The following PID1 variants were observed in gnomAD, a reference collection of about 807,000 sequenced individuals.
The protein encoded by PID1 is phosphotyrosine interaction domain containing 1.
In PID1, 10 loss-of-function variants were observed where a neutral mutation model predicts 19.1. The observed-to-expected ratio is 0.52, with a 90% CI of 0.32 to 0.89. The LOEUF (loss-of-function observed/expected upper bound fraction) is 0.89. PID1 is among the 40% of genes least tolerant of loss of function. The pLI is 0.03. For synonymous variants in PID1, 130 were observed against 116.0 expected, an observed-to-expected ratio of 1.12 and a Z score of -0.78; for missense variants, 248 against 285.3, an observed-to-expected ratio of 0.87 and a Z score of 0.94.
chr2:229,228,943 A>G (rs116654595), intron 1 of PID1, among the ~76,000 whole-genome samples: 1 of 152,268 alleles, frequency 6.6e-6, no homozygotes, highest in African/African-American at 2.4e-5. Context: ...TCTCTACCTG[A>G]CCTGGTGTGA....
intron 1 of PID1, among the ~76,000 whole-genome samples, chr2:229,234,750 C>G (rs575999445): frequency 4.6e-5 from 7 of 152,228 alleles, no homozygotes; most frequent in Non-Finnish European, 1.0e-4. Flanking sequence ...GAAGAGAAAG[C>G]TAACAGGAGG....
intron 1 of PID1, among the ~76,000 whole-genome samples, chr2:229,202,425 C>A (rs906292208): frequency 7.2e-5 from 11 of 151,980 alleles, no homozygotes; most frequent in African/African-American, 2.7e-4. Context: ...CCATGTCTGA[C>A]CTGAGTTATC....
chr2:229,072,722 T>C (rs1303366144), intron 2 of PID1, among the ~76,000 whole-genome samples: 3 of 152,240 alleles, frequency 2.0e-5, no homozygotes, highest in Admixed American at 6.5e-5. Flanking sequence ...TATTTGGCAG[T>C]TGTGCTTCGC....
intron 2 of PID1, among the ~76,000 whole-genome samples, chr2:229,144,408 C>A (rs574381255): frequency 6.6e-6 from 1 of 152,168 alleles, no homozygotes; most frequent in South Asian, 2.1e-4. Context: ...AGCTGGGGAA[C>A]ATATTGATAG....
chr2:229,265,016 A>G lies in PID1; in HGVS notation c.30+5998T>C, dbSNP rs1690556250. On this transcript the variant is annotated intron_variant, in intron 1 of 2. Coordinates refer to ENST00000392055, the MANE Select transcript of PID1 (RefSeq NM_001100818.2). ...ATACGCTACATACCAAAATCTCTGC[A>G]AAGCACATCTCTCTATTTTACAGAT... Among the ~76,000 whole-genome samples, 7 of 152,374 alleles carry G rather than the reference A, an allele frequency of 4.6e-5. No homozygotes were observed. In the South Asian group the frequency reaches 1.4e-3, roughly 32 times the overall value.
chr2:229,171,182 C>T (rs1333914206), intron 1 of PID1, among the ~76,000 whole-genome samples: 1 of 152,226 alleles, frequency 6.6e-6, no homozygotes, highest in East Asian at 1.9e-4. Context: ...TTTCATTTCA[C>T]TTTTGCTAGA....
intron 1 of PID1, among the ~76,000 whole-genome samples, chr2:229,261,783 G>A (rs1194948944): frequency 2.0e-5 from 3 of 152,186 alleles, no homozygotes; most frequent in African/African-American, 4.8e-5. Context: ...CAGTTCTGCA[G>A]TTGGACAGGC....
At chr2:229,190,985 C>T (rs528849802) in intron 1 of PID1, among the ~76,000 whole-genome samples, 37 of 152,270 alleles carry the variant, frequency 2.4e-4, no homozygotes, top group African/African-American at 8.2e-4. Context: ...AGCACATTAA[C>T]ATTTCATTGA....
At position 229,082,885 on chromosome 2, in the gene PID1, T is replaced by C. The variant is rs1195815990; in HGVS notation, c.178-56777A>G. Among the ~76,000 whole-genome samples, 3 of 151,740 alleles carry C rather than the reference T, an allele frequency of 2.0e-5. No individual in the cohort carries two copies. The East Asian group carries it at 5.8e-4, about 29-fold the overall frequency. ...ATAGGACTGTGAGATAACCAATGAG[T>C]GTCATTTTAAGCTGAAAAAGTTTGC... On this transcript the variant is annotated intron_variant, in intron 2 of 2. Coordinates refer to ENST00000392055, the MANE Select transcript of PID1 (RefSeq NM_001100818.2).
At chr2:229,029,273 G>GA (rs56408016) in intron 2 of PID1, among the ~76,000 whole-genome samples, 15 of 136,504 alleles carry the variant, frequency 1.1e-4, no homozygotes, top group South Asian at 9.8e-4. Flanking sequence ...AATCCCTGGG[G>GA]AAAAAAAAAA....
In PID1 at chr2:229,025,968, C is replaced by T. The variant is rs763527855; in HGVS notation, c.318G>A (p.Arg106=). Residue 106 remains arginine (R), a synonymous_variant, in exon 3 of 3, where the codon CGG becomes CGA. Coordinates refer to ENST00000392055, the MANE Select transcript of PID1 (RefSeq NM_001100818.2). The stretch of plus-strand genomic sequence containing the variant: ...GATGATGGAGCCAAACTTGGAATGG[C>T]CGGATTTCCAGGAGGGCATTGGCCG... The part of the protein sequence containing the change: ...VFPANALLEI[R]PFQVWLHHLD... The T allele has an allele frequency of 1.9e-6, 3 of 1,614,190 alleles. No homozygotes were observed. The highest frequency in any genetic ancestry group is 1.7e-6 in the Non-Finnish European group (2 of 1,180,016).
rs1374385995 is a variant in PID1, at chr2:229,139,093, A to AAG, written c.177+16723_177+16724dup. ...AAAGAAAGAAAGAAAGAAAGAAAGA[A>AAG]AGAAAGAAAGAAAGAAAGAAAGAGA... On this transcript the variant is annotated intron_variant, in intron 2 of 2. Transcript: ENST00000392055. Among the ~76,000 whole-genome samples the AAG allele has an allele frequency of 8.0e-4, 64 of 79,724 alleles. 4 individuals carry two copies. The highest frequency in any genetic ancestry group is 3.7e-3 in the African/African-American group (62 of 16,972). The allele number at this position is 79,724 out of a possible 152,430, so 52.3% of individuals were successfully genotyped here.
intron 2 of PID1, among the ~76,000 whole-genome samples, chr2:229,124,709 G>T (rs1199660837): frequency 1.3e-5 from 2 of 151,994 alleles, no homozygotes; most frequent in Non-Finnish European, 2.9e-5. Context: ...AATTTAGTCT[G>T]AACTCTATTC....
chr2:229,255,714 G>A (rs1027191382), intron 1 of PID1, among the ~76,000 whole-genome samples: 2 of 152,136 alleles, frequency 1.3e-5, no homozygotes, highest in African/African-American at 2.4e-5. Flanking sequence ...AGGAAACAGG[G>A]ATCTGCATTT....
intron 2 of PID1, among the ~76,000 whole-genome samples, chr2:229,137,792 A>G (rs1689886467): frequency 6.6e-6 from 1 of 152,206 alleles, no homozygotes. Flanking sequence ...CTGTAAATGA[A>G]GCACTTTGCT....
At chr2:229,228,546 G>T (rs1419748806) in intron 1 of PID1, among the ~76,000 whole-genome samples, 1 of 152,140 alleles carries the variant, frequency 6.6e-6, no homozygotes, top group Non-Finnish European at 1.5e-5. Context: ...GAAATTATAG[G>T]TTGAATGGCA....
intron 2 of PID1, among the ~76,000 whole-genome samples, chr2:229,112,434 A>G (rs1695316802): frequency 6.6e-6 from 1 of 152,232 alleles, no homozygotes; most frequent in Non-Finnish European, 1.5e-5. Context: ...CATCACATCT[A>G]GAAATGCACC....
intron 2 of PID1, among the ~76,000 whole-genome samples, chr2:229,108,938 AT>A (rs1695233227): frequency 6.6e-6 from 1 of 152,202 alleles, no homozygotes; most frequent in Non-Finnish European, 1.5e-5. Context: ...ATCAGCAAAA[AT>A]TGGGATACTT....
chr2:229,194,157 G>A (rs2106234210), intron 1 of PID1, among the ~76,000 whole-genome samples: 1 of 152,112 alleles, frequency 6.6e-6, no homozygotes, highest in East Asian at 1.9e-4. Context: ...AACCTTCTGA[G>A]TTTTCAAAAA....
Sources: gnomAD v4.1 joint callset for allele counts (sites outside exome capture counted in the v4.1 genomes callset) on GRCh38, gnomAD v4.1.1 for gene constraint, MANE v1.5 for transcripts, NCBI Gene and HGNC (gene_info 2026-07-23, HGNC 2026-07-21) for gene names.